Variants in GIMAP4 observed in about 807,000 individuals in gnomAD.
GIMAP4 encodes GTPase IMAP family member 4.
In GIMAP4, 12 loss-of-function variants were observed where a neutral mutation model predicts 10.8. The observed-to-expected ratio is 1.11, with a 90% CI of 0.71 to 1.81. The LOEUF (loss-of-function observed/expected upper bound fraction) is 1.81. Among genes scored for constraint, GIMAP4 ranks in the 40% most tolerant of loss-of-function variants. The probability of loss-of-function intolerance (pLI) is 0.00; values close to 1 mark genes in which losing one functional copy is unlikely to be tolerated. For synonymous variants in GIMAP4, 149 were observed against 147.2 expected (o/e 1.01, Z -0.09); for missense variants, 412 against 404.6 (o/e 1.02, Z -0.16).
intron 2 of GIMAP4, 83 bp from the exon 3 acceptor site, chr7:150,572,046 G>A: frequency 2.4e-6 from 2 of 830,442 alleles, no homozygotes; most frequent in Non-Finnish European, 1.9e-6. Flanking sequence ...ACGGAGGAGG[G>A]CACTGGGGGT....
At position 150,573,048 on chromosome 7, in the gene GIMAP4, C is replaced by A; in HGVS notation, c.978C>A (p.Phe326Leu). Residue 326 changes from phenylalanine (F) to leucine (L), a missense_variant, in exon 3 of 3, where the codon TTC (phenylalanine) becomes TTA (leucine). Phe to Leu is a conservative substitution (Grantham distance 22, BLOSUM62 0). Coordinates refer to ENST00000255945, the MANE Select transcript of GIMAP4 (RefSeq NM_018326.3). Reference protein sequence around the residue: ...QIASFILLRLFAED With the variant: ...QIASFILLRLLAED Reference sequence around the variant, plus strand: ...CTTCCTTTATTTTGTTACGTCTGTTCGCGGAAGATTAAACTTAATGAAAAT... The same window carrying A: ...CTTCCTTTATTTTGTTACGTCTGTTAGCGGAAGATTAAACTTAATGAAAAT... The A allele has an allele frequency of 6.3e-7, 1 of 1,583,552 alleles. No homozygotes were observed. The highest frequency in any genetic ancestry group is 1.1e-5 in the South Asian group (1 of 88,138).
chr7:150,572,772 G>A lies in GIMAP4; in HGVS notation c.702G>A (p.Gln234=). The part of the protein sequence containing the change: ...RMYQRAEEEI[Q]KQTQAMQELH... ...ACCAAAGGGCGGAGGAGGAGATCCAGAAGCAAACACAAGCAATGCAAGAAC... is the reference window on the plus strand; with the variant it reads ...ACCAAAGGGCGGAGGAGGAGATCCAAAAGCAAACACAAGCAATGCAAGAAC... The change falls in exon 3 of 3, where the codon CAG becomes CAA. Residue 234 remains glutamine, a synonymous_variant. Transcript: ENST00000255945. The A allele has an allele frequency of 6.2e-7, 1 of 1,614,192 alleles. No individual in the cohort carries two copies. Among genetic ancestry groups the A allele is most frequent in the Non-Finnish European group, 8.5e-7 (1 of 1,180,040 alleles).
chr7:150,568,230 G>A lies in GIMAP4; in HGVS notation c.-15+793G>A, dbSNP rs1263141536. On this transcript the variant is annotated intron_variant, in intron 1 of 2. Coordinates refer to ENST00000255945, the MANE Select transcript of GIMAP4 (RefSeq NM_018326.3). The stretch of plus-strand genomic sequence containing the variant: ...GTCACAGTATTGTTTTCTTCTTGCT[G>A]GTGTCCTATCCTCTCTCCTAACACC... Among the ~76,000 whole-genome samples, 3 of 152,268 alleles carry A rather than the reference G, an allele frequency of 2.0e-5. No homozygotes were observed. The East Asian group carries it at 5.8e-4, about 29-fold the overall frequency.
intron 1 of GIMAP4, among the ~76,000 whole-genome samples, chr7:150,569,458 G>A (rs1795702830): frequency 6.6e-6 from 1 of 152,198 alleles, no homozygotes; most frequent in Non-Finnish European, 1.5e-5. Flanking sequence ...CAGACAGGAT[G>A]TGGAGGTCAG....
intron 2 of GIMAP4, among the ~76,000 whole-genome samples, chr7:150,570,221 C>T (rs1795713487): frequency 6.6e-6 from 1 of 152,158 alleles, no homozygotes. Context: ...CTCTGATTGA[C>T]CCAGGGCTCG....
chr7:150,570,191 C>A (rs1211529847), intron 2 of GIMAP4, among the ~76,000 whole-genome samples: 2 of 152,212 alleles, frequency 1.3e-5, no homozygotes, highest in Admixed American at 6.5e-5. Context: ...AGCAGCTAAG[C>A]AGAAGAGAGA....
intron 2 of GIMAP4, among the ~76,000 whole-genome samples, chr7:150,570,640 A>G (rs1585156835): frequency 6.6e-6 from 1 of 152,160 alleles, no homozygotes; most frequent in East Asian, 1.9e-4. Context: ...TCACTCATGC[A>G]TCTGGGGTAA....
intron 1 of GIMAP4, 30 bp from the exon 2 acceptor site, chr7:150,569,858 A>T: frequency 9.8e-7 from 1 of 1,020,082 alleles, no homozygotes; most frequent in Non-Finnish European, 1.6e-6. Flanking sequence ...ATTTCCCTAA[A>T]ATGACATGGT....
Position 150,573,339 on chromosome 7 carries a change from C to A in GIMAP4, c.*279C>A, listed in dbSNP as rs1795761371. The A allele has an allele frequency of 3.5e-6, 1 of 287,872 alleles. No homozygotes were observed. Among genetic ancestry groups the A allele is most frequent in the African/African-American group, 2.2e-5 (1 of 45,384 alleles). 17.8% of individuals were successfully genotyped at this position (287,872 alleles called of 1,614,324 possible). On this transcript the variant is annotated 3_prime_UTR_variant, in exon 3 of 3. Coordinates refer to ENST00000255945, the MANE Select transcript of GIMAP4 (RefSeq NM_018326.3). ...ATGCAAGAGACCAAAAAGATGGCTC[C>A]AAGCTATGTCATGTTACCTGTAATA...
At chr7:150,572,105 T>TG (rs750442354) in intron 2 of GIMAP4, 24 bp from the exon 3 acceptor site, 4 of 719,820 alleles carry the variant, frequency 5.6e-6, no homozygotes, top group Non-Finnish European at 7.6e-6. Flanking sequence ...ACAGCATGGC[T>TG]TTTTTTTTTT....
chr7:150,572,989 A>G lies in GIMAP4; in HGVS notation c.919A>G (p.Ile307Val). 1 of 1,613,088 alleles carries G rather than the reference A, an allele frequency of 6.2e-7. No individual in the cohort carries two copies. Among genetic ancestry groups the G allele is most frequent in the Non-Finnish European group, 8.5e-7 (1 of 1,179,062 alleles). The change falls in exon 3 of 3, where the codon ATA (isoleucine) becomes GTA (valine). Residue 307 changes from isoleucine (I) to valine (V), a missense_variant. By Grantham distance (29) the Ile-to-Val change is conservative (BLOSUM62 3). Coordinates refer to ENST00000255945, the MANE Select transcript of GIMAP4 (RefSeq NM_018326.3). ...AACGGAAGTGGAGAGTAAGGATGGG[A>G]TACTTGAATTAATCATGACAGCGTT... ...ARTEVESKDG[I>V]LELIMTALQI... is the part of the protein sequence containing the mutation.
chr7:150,571,290 T>A (rs1025216395), intron 2 of GIMAP4, among the ~76,000 whole-genome samples: 2 of 152,206 alleles, frequency 1.3e-5, no homozygotes, highest in African/African-American at 2.4e-5. Flanking sequence ...GAAATACGCT[T>A]CTTTCATCCC....
In GIMAP4 at chr7:150,572,278, G is replaced by A. The variant is rs772135182; in HGVS notation, c.208G>A (p.Glu70Lys). Residue 70 changes from glutamate to lysine, a missense_variant, in exon 3 of 3, where the codon GAG becomes AAG. By Grantham distance (56) the Glu-to-Lys change is moderately conservative. Coordinates refer to ENST00000255945, the MANE Select transcript of GIMAP4 (RefSeq NM_018326.3). The part of the protein sequence containing the change: ...TAAKSITKKC[E>K]KRSSSWKETE... ...AGCAAAATCCATTACCAAGAAGTGTGAGAAACGCAGCAGCTCATGGAAGGA... is the reference window on the plus strand; with the variant it reads ...AGCAAAATCCATTACCAAGAAGTGTAAGAAACGCAGCAGCTCATGGAAGGA... The A allele has an allele frequency of 1.2e-6, 2 of 1,614,162 alleles. No individual in the cohort carries two copies. Among genetic ancestry groups the A allele is most frequent in the Admixed American group, 1.7e-5 (1 of 60,030 alleles).
intron 2 of GIMAP4, 52 bp downstream of exon 2, chr7:150,570,011 TGGGGGTG>T: frequency 3.9e-6 from 1 of 253,508 alleles, no homozygotes; most frequent in Non-Finnish European, 7.3e-6. Context: ...GGTTAGCAGG[TGGGGGTG>T]GGGGATTTGG....
chr7:150,569,009 A>G (rs1269217739), intron 1 of GIMAP4, among the ~76,000 whole-genome samples: 3 of 152,170 alleles, frequency 2.0e-5, no homozygotes, highest in Admixed American at 6.5e-5. Context: ...TGAAGGTGGA[A>G]GGAGCCTAGA....
At chr7:150,572,015 G>C (rs1286033412) in intron 2 of GIMAP4, 114 bp from the exon 3 acceptor site, 1 of 673,248 alleles carries the variant, frequency 1.5e-6, no homozygotes, top group Non-Finnish European at 2.6e-6. Context: ...GTAACATCAG[G>C]AGAAGCCCCC....
chr7:150,570,676 G>C (rs980472158), intron 2 of GIMAP4, among the ~76,000 whole-genome samples: 4 of 152,128 alleles, frequency 2.6e-5, no homozygotes, highest in African/African-American at 9.7e-5. Context: ...GCAACTGAAT[G>C]GTCTTGGATA....
rs537183609 is a variant in GIMAP4, at chr7:150,573,399, G to A, written c.*339G>A. 3 of 179,152 alleles carry A rather than the reference G, an allele frequency of 1.7e-5. No homozygotes were observed. The East Asian group carries it at 4.8e-4, about 28-fold the overall frequency. The allele number at this position is 179,152 out of a possible 1,614,324, so 11.1% of individuals were successfully genotyped here. A position where few individuals can be genotyped will look rare whatever the true frequency, so the allele number is the denominator to read the frequency against. On this transcript the variant is annotated 3_prime_UTR_variant, in exon 3 of 3. Coordinates refer to ENST00000255945, the MANE Select transcript of GIMAP4 (RefSeq NM_018326.3). ...CTTCTAGATTCTTTCTATGTTGGCA[G>A]ATAATCTCCCCTTGTAGCTTCCACT...
At position 150,573,421 on chromosome 7, in the gene GIMAP4, CA is replaced by C. The variant is rs1354454741; in HGVS notation, c.*362del. On this transcript the variant is annotated 3_prime_UTR_variant, in exon 3 of 3. Coordinates refer to ENST00000255945, the MANE Select transcript of GIMAP4 (RefSeq NM_018326.3). ...GCAGATAATCTCCCCTTGTAGCTTCCACTCACTTATTCTTGCATTCAGAGTC... is the reference window on the plus strand; with the variant it reads ...GCAGATAATCTCCCCTTGTAGCTTCCCTCACTTATTCTTGCATTCAGAGTC... 5.9e-6 allele frequency: 1 copy of C among 168,084 alleles called. No individual in the cohort carries two copies. Among genetic ancestry groups the C allele is most frequent in the African/African-American group, 2.4e-5 (1 of 41,750 alleles). 10.4% of individuals were successfully genotyped at this position (168,084 alleles called of 1,614,324 possible). A position where few individuals can be genotyped will look rare whatever the true frequency, so the allele number is the denominator to read the frequency against.
Sources: gnomAD v4.1 joint callset for allele counts (sites outside exome capture counted in the v4.1 genomes callset) on GRCh38, gnomAD v4.1.1 for gene constraint, MANE v1.5 for transcripts, NCBI Gene and HGNC (gene_info 2026-07-23, HGNC 2026-07-21) for gene names.